The following MTSS2 variants were observed in gnomAD, a reference collection of about 807,000 sequenced individuals.
The protein encoded by MTSS2 is MTSS I-BAR domain containing 2.
A neutral mutation model predicts 67.1 loss-of-function variants in MTSS2; 27 were observed. The ratio of observed to expected loss-of-function variants is 0.40; its 90% CI spans 0.30 to 0.55. The LOEUF is 0.55. Among genes scored for constraint, MTSS2 ranks in the 20% least tolerant of loss-of-function variants. MTSS2 has a pLI of 0.43. For missense variants in MTSS2, 1,171 were observed against 1,067.8 expected (o/e 1.10, Z -1.35); for synonymous variants, 624 against 468.6 (o/e 1.33, Z -4.28).
chr16:70,680,540 G>T (rs1430876981), intron 3 of MTSS2, among the ~76,000 whole-genome samples: 1 of 152,106 alleles, frequency 6.6e-6, no homozygotes, highest in East Asian at 1.9e-4. Context: ...CTGTGCTGGG[G>T]GGTCACATGA....
In MTSS2 at chr16:70,664,173, G is replaced by A; in HGVS notation, c.1748C>T (p.Pro583Leu). The change falls in exon 15 of 15, where the codon CCC (proline) becomes CTC (leucine). Residue 583 changes from proline to leucine, a missense_variant. This residue lies in a region of MTSS2 where 924 missense variants were observed against 756.0 expected (regional missense o/e 1.22). Coordinates refer to ENST00000338779, the MANE Select transcript of MTSS2 (RefSeq NM_138383.3). ...TVRRALSSAGPIPIRPPIVPV... is the reference protein window; with the variant it reads ...TVRRALSSAGLIPIRPPIVPV... Reference sequence around the variant, plus strand: ...GACGATGGGCGGCCGGATGGGGATGGGGCCAGCGCTGGACAGGGCGCGGCG... The same window carrying A: ...GACGATGGGCGGCCGGATGGGGATGAGGCCAGCGCTGGACAGGGCGCGGCG... The A allele has an allele frequency of 6.2e-7, 1 of 1,605,268 alleles. No homozygotes were observed. The highest frequency in any genetic ancestry group is 1.7e-4 in the Middle Eastern group (1 of 6,052).
At chr16:70,678,125 G>T in intron 8 of MTSS2, 127 bp downstream of exon 8, 1 of 1,257,260 alleles carries the variant, frequency 8.0e-7, no homozygotes, top group Non-Finnish European at 1.1e-6. Flanking sequence ...ACCTGCCTTT[G>T]GGCCAGGAGC....
chr16:70,685,803 G>C lies in MTSS2; in HGVS notation c.-12C>G. 3.0e-6 allele frequency: 4 copies of C among 1,316,270 alleles called. No homozygotes were observed. Among genetic ancestry groups the C allele is most frequent in the Non-Finnish European group, 3.9e-6 (4 of 1,014,348 alleles). 81.5% of individuals were successfully genotyped at this position (1,316,270 alleles called of 1,614,324 possible). On this transcript the variant is annotated 5_prime_UTR_variant, in exon 1 of 15. Transcript: ENST00000338779. ...TCCGCCGTCTCCATGCTCTGGCTGGGCCGGGCCGCGGCGGCGGCTAGGCGC... is the reference window on the plus strand; with the variant it reads ...TCCGCCGTCTCCATGCTCTGGCTGGCCCGGGCCGCGGCGGCGGCTAGGCGC...
In MTSS2 at chr16:70,664,988, C is replaced by A. The variant is rs551662071; in HGVS notation, c.1237G>T (p.Gly413Cys). ...TCTTCCCCGCTGGGGCCCAGGGTGC[C>A]CCCACTGGCAGGGCCTGGCTCTGTG... ...RDTEPGPASG[G>C]TLGPSGEEAP... Residue 413 changes from glycine (G) to cysteine (C), a missense_variant, in exon 13 of 15, where the codon GGC (glycine) becomes TGC (cysteine). By Grantham distance (159) the Gly-to-Cys change is radical (BLOSUM62 -3). Coordinates refer to ENST00000338779, the MANE Select transcript of MTSS2 (RefSeq NM_138383.3). 1.3e-6 allele frequency: 2 copies of A among 1,589,116 alleles called. No individual in the cohort carries two copies. The highest frequency in any genetic ancestry group is 1.1e-5 in the South Asian group (1 of 88,608).
At chr16:70,681,061 TG>T (rs753358601) in intron 1 of MTSS2, 36 bp from the exon 2 acceptor site, 10 of 1,585,194 alleles carry the variant, frequency 6.3e-6, no homozygotes, top group Middle Eastern at 1.7e-4. Flanking sequence ...GAGCTTCTTG[TG>T]GGGTGGTTGC....
chr16:70,673,442 C>T (rs1174285079), intron 11 of MTSS2, among the ~76,000 whole-genome samples: 2 of 152,120 alleles, frequency 1.3e-5, no homozygotes, highest in Admixed American at 6.6e-5. Flanking sequence ...ACTGTCACCC[C>T]AGAATAGTGT....
intron 9 of MTSS2, 21 bp downstream of exon 9, chr16:70,677,771 T>A (rs767691559): frequency 6.3e-7 from 1 of 1,586,576 alleles, no homozygotes; most frequent in South Asian, 1.1e-5. Flanking sequence ...GCCCTGGCCC[T>A]TGGCCAGAGG....
In MTSS2 at chr16:70,664,238, C is replaced by G. The variant is rs1435942812; in HGVS notation, c.1683G>C (p.Val561=). 1 of 1,568,326 alleles carries G rather than the reference C, an allele frequency of 6.4e-7. No homozygotes were observed. Among genetic ancestry groups the G allele is most frequent in the Non-Finnish European group, 8.6e-7 (1 of 1,162,980 alleles). Residue 561 remains valine, a synonymous_variant, in exon 15 of 15, where the codon GTG becomes GTC. Coordinates refer to ENST00000338779, the MANE Select transcript of MTSS2 (RefSeq NM_138383.3). The part of the protein sequence containing the change: ...TGLPSGAPPG[V]ATIRRTPSTK... ...TGGAGGGTGTGCGGCGGATGGTGGC[C>G]ACGCCGGGGGGTGCGCCCGAGGGCA...
intron 10 of MTSS2, among the ~76,000 whole-genome samples, chr16:70,675,231 TG>T (rs1289561435): frequency 6.6e-5 from 10 of 152,064 alleles, no homozygotes; most frequent in African/African-American, 2.4e-4. Flanking sequence ...GAGACCAGCC[TG>T]GGCAATAGGG....
rs2052653776 is a variant in MTSS2 at position 70,665,046 on chromosome 16, C to A, written c.1179G>T (p.Gln393His). The change falls in exon 13 of 15, where the codon CAG (glutamine) becomes CAT (histidine). Residue 393 changes from glutamine (Q) to histidine (H), a missense_variant. Physicochemically the swap from Gln to His is conservative, Grantham distance 24. This residue lies in a region of MTSS2 where 924 missense variants were observed against 756.0 expected (regional missense o/e 1.22). Transcript: ENST00000338779. Reference protein sequence around the residue: ...SHEQPSGATLQRRKDRVELLR... With the variant: ...SHEQPSGATLHRRKDRVELLR... ...GGAGCTCCACTCGGTCCTTCCTCCG[C>A]TGCAGAGTGGCGCCTGAGGGCTGCT... 1 of 1,597,674 alleles carries A rather than the reference C, an allele frequency of 6.3e-7. No homozygotes were observed. Among genetic ancestry groups the A allele is most frequent in the East Asian group, 2.2e-5 (1 of 44,882 alleles).
intron 7 of MTSS2, 60 bp from the exon 8 acceptor site, chr16:70,678,469 A>C: frequency 6.4e-7 from 1 of 1,560,456 alleles, no homozygotes; most frequent in Non-Finnish European, 8.7e-7. Flanking sequence ...CCACACCCAC[A>C]AATGGGCTCA....
At chr16:70,682,847 C>T (rs2053342372) in intron 1 of MTSS2, among the ~76,000 whole-genome samples, 1 of 152,174 alleles carries the variant, frequency 6.6e-6, no homozygotes, top group Non-Finnish European at 1.5e-5. Context: ...CCCACAGCCC[C>T]ATTTCACCAA....
At position 70,685,854 on chromosome 16, in the gene MTSS2, G is replaced by C; in HGVS notation, c.-63C>G. 9.9e-7 allele frequency: 1 copy of C among 1,007,886 alleles called. No individual in the cohort carries two copies. Among genetic ancestry groups the C allele is most frequent in the Non-Finnish European group, 1.2e-6 (1 of 825,646 alleles). 62.4% of individuals were successfully genotyped at this position (1,007,886 alleles called of 1,614,324 possible). The stretch of plus-strand genomic sequence containing the variant: ...ACGGAGCGCGGGGAGCAGCGCAAGG[G>C]AGGGGGCCAGGCCGCGCGGGCGCTC... On this transcript the variant is annotated 5_prime_UTR_variant, in exon 1 of 15. Transcript: ENST00000338779.
chr16:70,682,640 C>T (rs1707455010), intron 1 of MTSS2, among the ~76,000 whole-genome samples: 1 of 151,202 alleles, frequency 6.6e-6, no homozygotes, highest in South Asian at 2.1e-4. Flanking sequence ...TCTCTAAGGA[C>T]CTGGACCCGC....
Position 70,661,225 on chromosome 16 carries a change from A to T in MTSS2, c.*2452T>A, listed in dbSNP as rs878927722. 2.2e-6 allele frequency: 1 copy of T among 455,062 alleles called. No individual in the cohort carries two copies. Among genetic ancestry groups the T allele is most frequent in the Non-Finnish European group, 4.4e-6 (1 of 226,500 alleles). The allele number at this position is 455,062 out of a possible 1,614,324, so 28.2% of individuals were successfully genotyped here. On this transcript the variant is annotated 3_prime_UTR_variant, in exon 15 of 15. Coordinates refer to ENST00000338779, the MANE Select transcript of MTSS2 (RefSeq NM_138383.3). ...GGGGTGTTAATTACAGTACACCTTT[A>T]TTAATACTGGAATCTTCACAGTGCA...
intron 3 of MTSS2, among the ~76,000 whole-genome samples, 198 bp from the exon 4 acceptor site, chr16:70,680,253 G>T (rs143983268): frequency 0.04 from 6,071 of 152,124 alleles, 136 homozygotes; most frequent in East Asian, 0.095. Flanking sequence ...CATCCCAGCC[G>T]CGCCAGCCTC....
At chr16:70,669,689 C>T (rs573540624) in intron 11 of MTSS2, among the ~76,000 whole-genome samples, 48 of 151,400 alleles carry the variant, frequency 3.2e-4, no homozygotes, top group Non-Finnish European at 6.3e-4. Context: ...TGGTGGCACA[C>T]GCCTGTAATC....
rs1162784079 is a variant in MTSS2, at chr16:70,664,764, C to T, written c.1306-1G>A. ...CGGCGGGGGACACCTCCTCACCGTG[C>T]TGAGGGTGGGAAAGTGCAGGCTGAA... On this transcript the variant is annotated splice_acceptor_variant, in intron 13 of 14. Transcript: ENST00000338779. LOFTEE classifies it high-confidence loss of function. 4.4e-6 allele frequency: 7 copies of T among 1,608,714 alleles called. No homozygotes were observed. Among genetic ancestry groups the T allele is most frequent in the Non-Finnish European group, 5.9e-6 (7 of 1,177,846 alleles).
rs751226217 is a variant in MTSS2, at chr16:70,664,042, C to A, written c.1879G>T (p.Ala627Ser). ...FYTDETASPL[A>S]PDLAKASPKR... The stretch of plus-strand genomic sequence containing the variant: ...GGGGAGGCCTTGGCGAGGTCCGGTG[C>A]CAGGGGTGAGGCGGTCTCGTCGGTA... Residue 627 changes from alanine (A) to serine (S), a missense_variant, in exon 15 of 15, where the codon GCA becomes TCA. Ala to Ser is a moderately conservative substitution (Grantham distance 99, BLOSUM62 1). This residue lies in a region of MTSS2 where 924 missense variants were observed against 756.0 expected (regional missense o/e 1.22). Coordinates refer to ENST00000338779, the MANE Select transcript of MTSS2 (RefSeq NM_138383.3). 2 of 1,609,586 alleles carry A rather than the reference C, an allele frequency of 1.2e-6. No individual in the cohort carries two copies. The highest frequency in any genetic ancestry group is 1.7e-6 in the Non-Finnish European group (2 of 1,178,716).
Sources: gnomAD v4.1 joint callset for allele counts (sites outside exome capture counted in the v4.1 genomes callset) on GRCh38, gnomAD v4.1.1 for gene constraint, gnomAD v4.1.1 regional missense constraint, MANE v1.5 for transcripts, NCBI Gene and HGNC (gene_info 2026-07-23, HGNC 2026-07-21) for gene names.